The following CACNA1A variants were observed in gnomAD, a reference collection of about 807,000 sequenced individuals.
The protein encoded by CACNA1A is voltage-dependent P/Q-type calcium channel subunit alpha-1A.
In CACNA1A, 57 loss-of-function variants were observed where a neutral mutation model predicts 262.4. The ratio of observed to expected loss-of-function variants is 0.22; its 90% CI spans 0.18 to 0.27. The LOEUF is 0.27. CACNA1A is among the 10% of genes least tolerant of loss of function. The pLI, the probability that CACNA1A is intolerant of heterozygous loss-of-function variation, is 1.00. For synonymous variants in CACNA1A, 1,431 were observed against 1,419.3 expected, an observed-to-expected ratio of 1.01 and a Z score of -0.18; for missense variants, 2,526 against 3,562.8, an observed-to-expected ratio of 0.71 and a Z score of 7.41.
At chr19:13,459,011 G>A (rs2061067098) in intron 1 of CACNA1A, among the ~76,000 whole-genome samples, 1 of 152,164 alleles carries the variant, frequency 6.6e-6, no homozygotes, top group African/African-American at 2.4e-5. Context: ...ATGTTCAACA[G>A]TATCCCTGGC....
chr19:13,489,326 A>C (rs1980472405), intron 1 of CACNA1A, among the ~76,000 whole-genome samples: 1 of 151,680 alleles, frequency 6.6e-6, no homozygotes, highest in South Asian at 2.1e-4. Context: ...TAATTTCTAA[A>C]ATTGCAATAG....
At chr19:13,335,746 T>A in intron 7 of CACNA1A, 60 bp downstream of exon 7, 1 of 1,111,930 alleles carries the variant, frequency 9.0e-7, no homozygotes, top group Non-Finnish European at 1.3e-6. Flanking sequence ...TGGCCTCTAC[T>A]TGGAAAGAAG....
chr19:13,234,671 C>G, intron 34 of CACNA1A: 1 of 500,326 alleles, frequency 2.0e-6, no homozygotes, highest in Non-Finnish European at 3.6e-6. Flanking sequence ...CATCTGGCCA[C>G]CCCCACACCA....
intron 28 of CACNA1A, chr19:13,257,101 T>C: frequency 3.1e-6 from 1 of 319,698 alleles, no homozygotes; most frequent in Non-Finnish European, 5.8e-6. Context: ...TGTGGATATT[T>C]GGCAATGAAA....
rs1246331010 is a variant in CACNA1A, at chr19:13,325,140, C to CTCT, written c.1345+5101_1345+5103dup. ...CCCCTTCCCATTCCTCCTCCTCCTC[C>CTCT]TCTTCTTCTTCTTCCTTCTTCCTTC... On this transcript the variant is annotated intron_variant, in intron 10 of 46. Transcript: ENST00000360228. 4.7e-5 allele frequency among the ~76,000 whole-genome samples: 6 copies of CTCT among 127,568 alleles called. No individual in the cohort carries two copies. In the East Asian group the frequency reaches 1.5e-3, roughly 31 times the overall value. 83.7% of individuals were successfully genotyped at this position (127,568 alleles called of 152,430 possible).
chr19:13,384,340 G>C (rs1010984484), intron 3 of CACNA1A, among the ~76,000 whole-genome samples: 10 of 152,168 alleles, frequency 6.6e-5, no homozygotes, highest in Admixed American at 3.3e-4. Context: ...CCAGTGGAGA[G>C]GGAGAAGACA....
At chr19:13,345,537 C>A (rs11879807) in intron 6 of CACNA1A, among the ~76,000 whole-genome samples, 100,969 of 151,728 alleles carry the variant, frequency 0.67, 34,618 homozygotes, top group East Asian at 0.85. Flanking sequence ...CAAAATCCTT[C>A]AGTGCCTTCT....
chr19:13,265,888 C>CA (rs1174962140), intron 24 of CACNA1A, among the ~76,000 whole-genome samples: 1 of 151,258 alleles, frequency 6.6e-6, no homozygotes, highest in African/African-American at 2.4e-5. Flanking sequence ...TCTTGTTACC[C>CA]AGGCTGGAGT....
rs751530649 is a variant in CACNA1A, at chr19:13,318,890, C to CTTTTTT, written c.1346-1575_1346-1570dup. Among the ~76,000 whole-genome samples the CTTTTTT allele has an allele frequency of 1.5e-3, 177 of 114,670 alleles. 15 individuals carry two copies. Among genetic ancestry groups the CTTTTTT allele is most frequent in the African/African-American group, 6.2e-3 (167 of 27,084 alleles). 75.2% of individuals were successfully genotyped at this position (114,670 alleles called of 152,430 possible). A position where few individuals can be genotyped will look rare whatever the true frequency, so the allele number is the denominator to read the frequency against. On this transcript the variant is annotated intron_variant, in intron 10 of 46. Coordinates refer to ENST00000360228, the MANE Select transcript of CACNA1A (RefSeq NM_001127222.2). ...ATTGAATTTACCTTCTAAAATACAT[C>CTTTTTT]TTTTTTTTTTTTTTTTGAGACAGGA...
rs549702569 is a variant in CACNA1A at position 13,464,826 on chromosome 19, G to A, written c.294-9614C>T. On this transcript the variant is annotated intron_variant, in intron 1 of 46. Coordinates refer to ENST00000360228, the MANE Select transcript of CACNA1A (RefSeq NM_001127222.2). ...GCCTCCCAAAGTGCTGGGATTACAG[G>A]CGTGAGCCACTGCGCCCGGCCAACT... 1.7e-4 allele frequency among the ~76,000 whole-genome samples: 26 copies of A among 152,254 alleles called. No individual in the cohort carries two copies. The East Asian group carries it at 5.0e-3, about 29-fold the overall frequency.
intron 1 of CACNA1A, among the ~76,000 whole-genome samples, chr19:13,483,926 G>A (rs1201417230): frequency 1.3e-5 from 2 of 152,180 alleles, no homozygotes. Context: ...AAGTCAACAG[G>A]TAGATATTTT....
chr19:13,348,779 T>C (rs1053524048), intron 6 of CACNA1A, among the ~76,000 whole-genome samples: 11 of 152,020 alleles, frequency 7.2e-5, no homozygotes, highest in Non-Finnish European at 1.3e-4. Context: ...GAGGCTGCAG[T>C]GAGCCGAGAT....
At chr19:13,251,428 A>G (rs2056394588) in intron 30 of CACNA1A, among the ~76,000 whole-genome samples, 1 of 152,168 alleles carries the variant, frequency 6.6e-6, no homozygotes, top group Non-Finnish European at 1.5e-5. Flanking sequence ...GCTTTCAGTG[A>G]GCCGAGATTG....
rs929633319 is a variant in CACNA1A at position 13,214,723 on chromosome 19, T to C, written c.5732-115A>G. On this transcript the variant is annotated intron_variant, in intron 38 of 46. Transcript: ENST00000360228. This position sits in a 1 kb window ranked among gnomAD's most constrained non-coding sequence, Gnocchi z 4.1. ...GAGACCCCAATCTTTCTGGTCCCCA[T>C]GGGGTCTCCAGTTCCCCAACGGCCT... 1.0e-4 allele frequency: 80 copies of C among 786,392 alleles called. No individual in the cohort carries two copies. The highest frequency in any genetic ancestry group is 6.4e-4 in the Admixed American group (30 of 46,616). 48.7% of individuals were successfully genotyped at this position (786,392 alleles called of 1,614,324 possible).
chr19:13,343,124 C>T (rs1209807652), intron 6 of CACNA1A, among the ~76,000 whole-genome samples: 1 of 141,480 alleles, frequency 7.1e-6, no homozygotes, highest in Non-Finnish European at 1.5e-5. Flanking sequence ...TCTTTTTTTT[C>T]TTTCTTTTTT....
intron 3 of CACNA1A, chr19:13,452,631 G>C: frequency 2.7e-6 from 1 of 369,990 alleles, no homozygotes; most frequent in Non-Finnish European, 4.9e-6. Context: ...TAGAGAATGG[G>C]CATAAAGCAC....
chr19:13,457,337 T>TA (rs1244592270), intron 1 of CACNA1A, among the ~76,000 whole-genome samples: 5 of 152,104 alleles, frequency 3.3e-5, no homozygotes, highest in African/African-American at 9.7e-5. Context: ...CTCAAAAAGT[T>TA]AATCACAGAG....
chr19:13,270,492 C>T (rs574091232), intron 24 of CACNA1A, among the ~76,000 whole-genome samples: 4 of 152,172 alleles, frequency 2.6e-5, no homozygotes, highest in Non-Finnish European at 5.9e-5. Flanking sequence ...GCCAACTATC[C>T]GATAACAAGG....
In CACNA1A at chr19:13,207,261, G is replaced by A. The variant is rs1350956925; in HGVS notation, c.*52C>T. ...GGCCTCTGCGCGGCTCCTCGGGTGG[G>A]GTGTGTGCGTGGGGTGCGTGGGGGG... On this transcript the variant is annotated 3_prime_UTR_variant, in exon 47 of 47. Coordinates refer to ENST00000360228, the MANE Select transcript of CACNA1A (RefSeq NM_001127222.2). This position sits in a 1 kb window ranked among gnomAD's most constrained non-coding sequence, Gnocchi z 5.7. 2.0e-6 allele frequency: 3 copies of A among 1,484,068 alleles called. No individual in the cohort carries two copies. Among genetic ancestry groups the A allele is most frequent in the South Asian group, 1.2e-5 (1 of 80,466 alleles). The allele number at this position is 1,484,068 out of a possible 1,614,324, so 91.9% of individuals were successfully genotyped here.
Sources: allele counts gnomAD v4.1 joint callset (sites outside exome capture counted in the v4.1 genomes callset), GRCh38; gene constraint gnomAD v4.1.1; non-coding constraint Gnocchi (gnomAD v3.1); transcripts MANE v1.5; gene names NCBI Gene and HGNC (gene_info 2026-07-23, HGNC 2026-07-21).